The following FBXL16 variants were observed in gnomAD, a reference collection of about 807,000 sequenced individuals.
FBXL16 encodes the protein F-box/LRR-repeat protein 16.
FBXL16 carries 7 observed loss-of-function variants against 36.7 expected under a neutral mutation model. The observed-to-expected ratio is 0.19, with a 90% CI of 0.11 to 0.36. FBXL16 has a LOEUF of 0.36. FBXL16 is among the 10% of genes least tolerant of loss of function. The pLI is 1.00. For synonymous variants in FBXL16, 355 were observed against 308.7 expected (o/e 1.15, Z -1.57); for missense variants, 463 against 659.4 (o/e 0.70, Z 3.26).
At position 696,979 on chromosome 16, in the gene FBXL16, C is replaced by T; in HGVS notation, c.427G>A (p.Ala143Thr). The T allele has an allele frequency of 6.3e-7, 1 of 1,596,448 alleles. No homozygotes were observed. The highest frequency in any genetic ancestry group is 8.5e-7 in the Non-Finnish European group (1 of 1,172,700). The change falls in exon 2 of 6, where the codon GCC becomes ACC. Residue 143 changes from alanine (A) to threonine (T), a missense_variant. Around this residue, in one of 3 missense-constraint regions of FBXL16, gnomAD observed 263 missense variants for 341.1 expected, o/e 0.77. Transcript: ENST00000397621. ...GGCAGCACGTTGTAGAGCTCCTTGGCATGCAGCACCGGCGTGAGGCCTGCC... is the reference window on the plus strand; with the variant it reads ...GGCAGCACGTTGTAGAGCTCCTTGGTATGCAGCACCGGCGTGAGGCCTGCC... ...FWAGLTPVLH[A>T]KELYNVLPGG...
intron 2 of FBXL16, 66 bp from the exon 3 acceptor site, chr16:695,989 G>A: frequency 1.3e-6 from 2 of 1,514,222 alleles, no homozygotes; most frequent in Non-Finnish European, 1.8e-6. Context: ...GGAGGAAGCA[G>A]TAGGGTGTAA....
chr16:699,984 C>G (rs1251511973), intron 1 of FBXL16, among the ~76,000 whole-genome samples: 1 of 152,126 alleles, frequency 6.6e-6, no homozygotes, highest in Non-Finnish European at 1.5e-5. Context: ...GGGTCTCGGA[C>G]GGCACTGCAA....
At chr16:696,713 T>C in intron 2 of FBXL16, 60 bp downstream of exon 2, 1 of 1,432,304 alleles carries the variant, frequency 7.0e-7, no homozygotes, top group South Asian at 1.5e-5. Context: ...CCCACCTCCA[T>C]AGGGTTGCTG....
Position 694,178 on chromosome 16 carries a change from T to A in FBXL16, c.*97A>T, listed in dbSNP as rs2039992271. On this transcript the variant is annotated 3_prime_UTR_variant, in exon 6 of 6. Transcript: ENST00000397621. ...CGCGCTGGGCCGGGGGCGCGGGGGC[T>A]CCCCCGAGCGCAAGGCGGGAAGAGG... The A allele has an allele frequency of 8.1e-6, 7 of 867,334 alleles. No homozygotes were observed. Among genetic ancestry groups the A allele is most frequent in the Non-Finnish European group, 9.1e-6 (6 of 657,432 alleles). The allele number at this position is 867,334 out of a possible 1,614,324, so 53.7% of individuals were successfully genotyped here.
chr16:701,291 G>A (rs1436996375), intron 1 of FBXL16, among the ~76,000 whole-genome samples: 3 of 152,198 alleles, frequency 2.0e-5, no homozygotes. Context: ...AGAAGGCGCT[G>A]CTCTGCCTGT....
chr16:701,208 G>T (rs2187902), intron 1 of FBXL16, among the ~76,000 whole-genome samples: 18 of 152,306 alleles, frequency 1.2e-4, no homozygotes, highest in African/African-American at 4.1e-4. Flanking sequence ...GGAGGGAGGG[G>T]ACAGGCTGAG....
rs926001267 is a variant in FBXL16 at position 697,439 on chromosome 16, G to C, written c.-14-20C>G. ...CACGCTCTGTGGATGAGGGCCGGGA[G>C]GGGGAGTGAGTCTGTTGCTGAGTCT... is the stretch of plus-strand genomic sequence containing the variant. On this transcript the variant is annotated intron_variant, in intron 1 of 5. Coordinates refer to ENST00000397621, the MANE Select transcript of FBXL16 (RefSeq NM_153350.4). This position sits in a 1 kb window ranked among gnomAD's most constrained non-coding sequence, Gnocchi z 4.6. The C allele has an allele frequency of 4.6e-6, 7 of 1,513,132 alleles. No individual in the cohort carries two copies. In the Admixed American group the frequency reaches 6.1e-5, roughly 13 times the overall value. 93.7% of individuals were successfully genotyped at this position (1,513,132 alleles called of 1,614,324 possible).
chr16:697,137 G>C lies in FBXL16; in HGVS notation c.269C>G (p.Ala90Gly). Residue 90 changes from alanine (A) to glycine (G), a missense_variant, in exon 2 of 6, where the codon GCG becomes GGG. By Grantham distance (60) the Ala-to-Gly change is moderately conservative. Around this residue, in one of 3 missense-constraint regions of FBXL16, gnomAD observed 263 missense variants for 341.1 expected, o/e 0.77. Coordinates refer to ENST00000397621, the MANE Select transcript of FBXL16 (RefSeq NM_153350.4). The surrounding 1 kb of genome is among the most constrained non-coding windows in gnomAD (Gnocchi z 4.6). ...GTCCGTGGCCAGCGGCGGCCGCTCC[G>C]CTGGGTGCCCAGGTGCCAAGGCTGA... is the stretch of plus-strand genomic sequence containing the variant. ...PASALAPGHP[A>G]ERPPLATDEK... The C allele has an allele frequency of 6.2e-7, 1 of 1,601,502 alleles. No individual in the cohort carries two copies. Among genetic ancestry groups the C allele is most frequent in the Non-Finnish European group, 8.5e-7 (1 of 1,175,320 alleles).
chr16:695,326 C>A (rs1168161898), intron 3 of FBXL16, 89 bp downstream of exon 3: 1 of 1,079,222 alleles, frequency 9.3e-7, no homozygotes, highest in African/African-American at 1.7e-5. Flanking sequence ...CGGAAGCCCC[C>A]GCCCCCGGCC....
At chr16:700,204 C>T (rs541158903) in intron 1 of FBXL16, among the ~76,000 whole-genome samples, 5 of 152,310 alleles carry the variant, frequency 3.3e-5, no homozygotes, top group Admixed American at 2.0e-4. Context: ...CGCCAGAACA[C>T]GTGGCCCTCG....
intron 2 of FBXL16, 196 bp from the exon 3 acceptor site, chr16:696,119 T>C: frequency 1.4e-6 from 1 of 731,798 alleles, no homozygotes; most frequent in Non-Finnish European, 2.1e-6. Context: ...GCGTTACAAT[T>C]AGACTCCAGA....
Position 692,887 on chromosome 16 carries a change from ATCTC to A in FBXL16, c.*1384_*1387del, listed in dbSNP as rs910954075. ...GTTGATCTGTTTCTGATTCAACAGC[ATCTC>A]TCTCTCTCTTTCTCTCTCTCTCTCA... On this transcript the variant is annotated 3_prime_UTR_variant, in exon 6 of 6. Coordinates refer to ENST00000397621, the MANE Select transcript of FBXL16 (RefSeq NM_153350.4). 6 of 152,046 alleles carry A rather than the reference ATCTC, an allele frequency of 3.9e-5. No homozygotes were observed. The highest frequency in any genetic ancestry group is 1.2e-4 in the African/African-American group (5 of 41,324). The allele number at this position is 152,046 out of a possible 1,614,324, so 9.4% of individuals were successfully genotyped here.
rs1178880621 is a variant in FBXL16, at chr16:694,309, G to A, written c.1406C>T (p.Ser469Leu). The A allele has an allele frequency of 6.8e-7, 1 of 1,469,928 alleles. No homozygotes were observed. The highest frequency in any genetic ancestry group is 9.0e-7 in the Non-Finnish European group (1 of 1,111,740). The allele number at this position is 1,469,928 out of a possible 1,614,324, so 91.1% of individuals were successfully genotyped here. The change falls in exon 6 of 6, where the codon TCG (serine) becomes TTG (leucine). Residue 469 changes from serine to leucine, a missense_variant. This residue lies in a region of FBXL16 where 134 missense variants were observed against 172.0 expected (regional missense o/e 0.78). Transcript: ENST00000397621. ...GACGAGGCAGCGGGGCAGGTGCTGCGAGAAATACTTGAAGAGCTCGGGGGT... is the reference window on the plus strand; with the variant it reads ...GACGAGGCAGCGGGGCAGGTGCTGCAAGAAATACTTGAAGAGCTCGGGGGT... ...GATPELFKYF[S>L]QHLPRCLVIE
chr16:700,100 C>T (rs1024272429), intron 1 of FBXL16, among the ~76,000 whole-genome samples: 1 of 152,170 alleles, frequency 6.6e-6, no homozygotes, highest in Non-Finnish European at 1.5e-5. Flanking sequence ...AGCAGCAGGT[C>T]CCCACACTGG....
At chr16:703,325 G>A (rs1471680708) in intron 1 of FBXL16, among the ~76,000 whole-genome samples, 4 of 152,116 alleles carry the variant, frequency 2.6e-5, no homozygotes, top group Admixed American at 1.3e-4. Context: ...ACCCCTCAGC[G>A]CCCCCAGTTT....
At chr16:695,254 C>A in intron 3 of FBXL16, 161 bp downstream of exon 3, 1 of 1,159,402 alleles carries the variant, frequency 8.6e-7, no homozygotes, top group South Asian at 1.7e-5. Flanking sequence ...TGCTGCGGTT[C>A]TGCGGTTCCC....
At chr16:694,814 G>C in intron 4 of FBXL16, 117 bp from the exon 5 acceptor site, 2 of 1,318,198 alleles carry the variant, frequency 1.5e-6, no homozygotes, top group South Asian at 2.6e-5. Context: ...CCCCCCCGGA[G>C]CCGGGAGGCG....
chr16:703,616 G>C (rs957502099), intron 1 of FBXL16, among the ~76,000 whole-genome samples: 1 of 152,194 alleles, frequency 6.6e-6, no homozygotes, highest in Non-Finnish European at 1.5e-5. Context: ...AGGCACACCC[G>C]CGTCCCTGCC....
intron 1 of FBXL16, among the ~76,000 whole-genome samples, chr16:698,926 AAAAAAAG>A (rs538448139): frequency 0.18 from 24,301 of 133,586 alleles, 1,718 homozygotes; most frequent in East Asian, 0.56. Flanking sequence ...AAAAAAAAAA[AAAAAAAG>A]AAAGAAAGAA....
Sources: allele counts gnomAD v4.1 joint callset (sites outside exome capture counted in the v4.1 genomes callset), GRCh38; gene constraint gnomAD v4.1.1; regional missense constraint gnomAD v4.1.1; non-coding constraint Gnocchi (gnomAD v3.1); transcripts MANE v1.5; gene names NCBI Gene and HGNC (gene_info 2026-07-23, HGNC 2026-07-21).